The following SKI variants were observed in gnomAD, a reference collection of about 807,000 sequenced individuals.
SKI encodes ski oncogene.
Under a neutral mutation model 59.3 loss-of-function variants are expected in SKI, and 23 were observed. The observed-to-expected ratio is 0.39, with a 90% confidence interval of 0.28 to 0.55. The LOEUF (loss-of-function observed/expected upper bound fraction) is 0.55. SKI is among the 20% of genes least tolerant of loss of function. SKI has a pLI of 0.67. For missense variants in SKI, 1,017 were observed against 1,038.9 expected (o/e 0.98, Z 0.29); for synonymous variants, 673 against 488.6 (o/e 1.38, Z -4.98).
chr1:2,285,122 C>T lies in SKI; in HGVS notation c.970-17856C>T, dbSNP rs1316168196. On this transcript the variant is annotated intron_variant, in intron 1 of 6. Coordinates refer to ENST00000378536, the MANE Select transcript of SKI (RefSeq NM_003036.4). ...AGGTGTCATGCGGCAGTTGGTGTGG[C>T]CGTGTGGACTTGTCCCCATCTGTCT... Among the ~76,000 whole-genome samples the T allele has an allele frequency of 5.9e-5, 9 of 152,176 alleles. No individual in the cohort carries two copies. The East Asian group carries it at 1.5e-3, about 26-fold the overall frequency.
At chr1:2,299,992 T>C (rs1640384489) in intron 1 of SKI, among the ~76,000 whole-genome samples, 1 of 152,224 alleles carries the variant, frequency 6.6e-6, no homozygotes, top group Non-Finnish European at 1.5e-5. Flanking sequence ...CGCCTCTGCA[T>C]AGGTCCTGTG....
At chr1:2,286,938 A>G (rs1237501500) in intron 1 of SKI, among the ~76,000 whole-genome samples, 2 of 152,266 alleles carry the variant, frequency 1.3e-5, no homozygotes, top group African/African-American at 4.8e-5. Context: ...ATCAAAGGTG[A>G]AACTGTTCAG....
intron 1 of SKI, among the ~76,000 whole-genome samples, chr1:2,250,131 C>G (rs1176101823): frequency 5.3e-5 from 8 of 152,212 alleles, no homozygotes; most frequent in Non-Finnish European, 1.2e-4. Flanking sequence ...GTCTCGAACT[C>G]CTGACCTCAA....
rs1165986170 is a variant in SKI, at chr1:2,268,941, C to G, written c.970-34037C>G. ...TCCCTCCCTCCCTCTCTTTCCTTCT[C>G]TCCTTCTCTCCCTCTTCTTTTTTCG... is the stretch of plus-strand genomic sequence containing the variant. On this transcript the variant is annotated intron_variant, in intron 1 of 6. Coordinates refer to ENST00000378536, the MANE Select transcript of SKI (RefSeq NM_003036.4). The surrounding 1 kb of genome is among the most constrained non-coding windows in gnomAD (Gnocchi z 5.0). Among the ~76,000 whole-genome samples the G allele has an allele frequency of 2.0e-5, 3 of 149,918 alleles. No homozygotes were observed. Among genetic ancestry groups the G allele is most frequent in the African/African-American group, 7.4e-5 (3 of 40,740 alleles).
Position 2,306,837 on chromosome 1 carries a change from G to A in SKI, c.*72G>A, listed in dbSNP as rs1236184573. The A allele has an allele frequency of 1.1e-5, 12 of 1,045,468 alleles. No homozygotes were observed. Among genetic ancestry groups the A allele is most frequent in the Non-Finnish European group, 1.5e-5 (12 of 802,324 alleles). 64.8% of individuals were successfully genotyped at this position (1,045,468 alleles called of 1,614,324 possible). On this transcript the variant is annotated 3_prime_UTR_variant, in exon 7 of 7. Transcript: ENST00000378536. ...GGGCGCGGCTGGGCGGTGCAGCTCC[G>A]CCCGGCTCCGCCCCTGCAGCCCACA...
Position 2,270,134 on chromosome 1 carries a change from C to T in SKI, c.970-32844C>T, listed in dbSNP as rs1639585341. Among the ~76,000 whole-genome samples, 1 of 152,168 alleles carries T rather than the reference C, an allele frequency of 6.6e-6. No homozygotes were observed. ...GGTGCTGTGCCCTGGTCATTGTCCCCTACAGCCAGGCAGTAAAGTGTGGCC... is the reference window on the plus strand; with the variant it reads ...GGTGCTGTGCCCTGGTCATTGTCCCTTACAGCCAGGCAGTAAAGTGTGGCC... On this transcript the variant is annotated intron_variant, in intron 1 of 6. Transcript: ENST00000378536. This position sits in a 1 kb window ranked among gnomAD's most constrained non-coding sequence, Gnocchi z 4.1.
chr1:2,297,131 C>T (rs942852914), intron 1 of SKI, among the ~76,000 whole-genome samples: 4 of 152,096 alleles, frequency 2.6e-5, no homozygotes, highest in Middle Eastern at 3.4e-3. Flanking sequence ...TTTGGAGACA[C>T]GGTCTCAGTG....
chr1:2,290,883 G>C (rs1462613985), intron 1 of SKI, among the ~76,000 whole-genome samples: 1 of 152,256 alleles, frequency 6.6e-6, no homozygotes, highest in Non-Finnish European at 1.5e-5. Flanking sequence ...CGCGACCGCA[G>C]CATCCTGTGC....
intron 1 of SKI, among the ~76,000 whole-genome samples, chr1:2,273,907 TCTCA>T (rs1338632454): frequency 6.6e-6 from 1 of 152,030 alleles, no homozygotes; most frequent in Non-Finnish European, 1.5e-5. Context: ...CCCACCACCC[TCTCA>T]CTCACTGCCC....
At position 2,306,340 on chromosome 1, in the gene SKI, C is replaced by G. The variant is rs898223477; in HGVS notation, c.1998+90C>G. On this transcript the variant is annotated intron_variant, in intron 6 of 6. Coordinates refer to ENST00000378536, the MANE Select transcript of SKI (RefSeq NM_003036.4). ...GCCAGTCCTGCCCAGCCGGAAAGGC[C>G]TTGGAGCAGAAGCCAGGCCCGGGAC... 7.9e-6 allele frequency: 10 copies of G among 1,271,594 alleles called. No homozygotes were observed. In the East Asian group the frequency reaches 1.5e-4, roughly 19 times the overall value. 78.8% of individuals were successfully genotyped at this position (1,271,594 alleles called of 1,614,324 possible).
chr1:2,306,632 G>T lies in SKI; in HGVS notation c.2054G>T (p.Arg685Leu). ...QHAEADREQL[R>L]ADLLREREAR... ...GCGGAGGCGGACCGGGAGCAGCTGCGGGCCGACCTGCTGCGGGAGCGCGAG... is the reference window on the plus strand; with the variant it reads ...GCGGAGGCGGACCGGGAGCAGCTGCTGGCCGACCTGCTGCGGGAGCGCGAG... The change falls in exon 7 of 7, where the codon CGG becomes CTG. Residue 685 changes from arginine to leucine, a missense_variant. Arg to Leu is a moderately radical substitution (Grantham distance 102). Transcript: ENST00000378536. 1 of 1,544,780 alleles carries T rather than the reference G, an allele frequency of 6.5e-7. No individual in the cohort carries two copies. The highest frequency in any genetic ancestry group is 8.7e-7 in the Non-Finnish European group (1 of 1,145,404).
chr1:2,260,172 G>C (rs1639355184), intron 1 of SKI, among the ~76,000 whole-genome samples: 1 of 152,206 alleles, frequency 6.6e-6, no homozygotes, highest in East Asian at 1.9e-4. Flanking sequence ...TGGCCAGCGT[G>C]TGTGGTGGGC....
intron 1 of SKI, among the ~76,000 whole-genome samples, chr1:2,289,631 G>A (rs112178932): frequency 1.3e-5 from 2 of 150,778 alleles, no homozygotes; most frequent in Admixed American, 6.6e-5. Flanking sequence ...GGGGGTGGGG[G>A]TGCAGCACAG....
chr1:2,306,505 G>T, intron 6 of SKI, 72 bp from the exon 7 acceptor site: 2 of 1,456,492 alleles, frequency 1.4e-6, no homozygotes, highest in Non-Finnish European at 9.3e-7. Context: ...CAGGAGCCTC[G>T]GGTGGGGGAA....
At chr1:2,283,571 C>T (rs1034799260) in intron 1 of SKI, among the ~76,000 whole-genome samples, 1 of 152,250 alleles carries the variant, frequency 6.6e-6, no homozygotes, top group African/African-American at 2.4e-5. Flanking sequence ...TGTTGTACTG[C>T]AGGCCTGGGC....
intron 1 of SKI, among the ~76,000 whole-genome samples, chr1:2,230,247 C>T (rs1638603916): frequency 6.6e-6 from 1 of 152,240 alleles, no homozygotes; most frequent in African/African-American, 2.4e-5. Flanking sequence ...GAGGCGAGGC[C>T]TGGTTTTGTT....
At chr1:2,245,504 G>C (rs903878113) in intron 1 of SKI, among the ~76,000 whole-genome samples, 1 of 152,192 alleles carries the variant, frequency 6.6e-6, no homozygotes, top group Non-Finnish European at 1.5e-5. Flanking sequence ...ACAGCATCTT[G>C]CTCTGTTGCC....
At chr1:2,257,056 G>A (rs1374224176) in intron 1 of SKI, among the ~76,000 whole-genome samples, 2 of 152,188 alleles carry the variant, frequency 1.3e-5, no homozygotes, top group African/African-American at 4.8e-5. Flanking sequence ...GGAGGTCTCC[G>A]CCTTATCATG....
chr1:2,275,566 T>G (rs1188355214), intron 1 of SKI, among the ~76,000 whole-genome samples: 1 of 152,036 alleles, frequency 6.6e-6, no homozygotes, highest in Non-Finnish European at 1.5e-5. Flanking sequence ...CAGGCTGGAG[T>G]GCAGTGGCGC....
Sources: allele counts gnomAD v4.1 joint callset (sites outside exome capture counted in the v4.1 genomes callset), GRCh38; gene constraint gnomAD v4.1.1; non-coding constraint Gnocchi (gnomAD v3.1); transcripts MANE v1.5; gene names NCBI Gene and HGNC (gene_info 2026-07-23, HGNC 2026-07-21).